The following MESD variants were observed in gnomAD, a reference collection of about 807,000 sequenced individuals.
The protein encoded by MESD is LRP chaperone MESD.
Under a neutral mutation model 12.9 loss-of-function variants are expected in MESD, and 7 were observed. The observed-to-expected ratio is 0.54, with a 90% CI of 0.31 to 1.02. The LOEUF is 1.02. MESD is among the 50% of genes least tolerant of loss of function. The pLI, the probability that MESD is intolerant of heterozygous loss-of-function variation, is 0.05. For synonymous variants in MESD, 126 were observed against 115.6 expected (o/e 1.09, Z -0.58); for missense variants, 342 against 296.7 (o/e 1.15, Z -1.12).
At chr15:80,967,350 T>G (rs1413593555) in intron 3 of MESD, among the ~76,000 whole-genome samples, 1 of 152,048 alleles carries the variant, frequency 6.6e-6, no homozygotes, top group Non-Finnish European at 1.5e-5. Context: ...GGAGTTTTAA[T>G]TTAGAGCAAG....
rs1432849502 is a variant in MESD, at chr15:80,978,729, T to C, written c.*490A>G. On this transcript the variant is annotated 3_prime_UTR_variant, in exon 3 of 3. Transcript: ENST00000261758. ...TTTGGATTTACACACCCTGGCTTCC[T>C]GGCTACAGACATCTGAGTTCACAAA... 6.5e-6 allele frequency: 1 copy of C among 153,346 alleles called. No homozygotes were observed. Among genetic ancestry groups the C allele is most frequent in the Non-Finnish European group, 1.5e-5 (1 of 68,870 alleles). The allele number at this position is 153,346 out of a possible 1,614,324, so 9.5% of individuals were successfully genotyped here.
At chr15:80,982,217 T>C (rs775850360) in intron 1 of MESD, 35 bp from the exon 2 acceptor site, 20 of 1,581,312 alleles carry the variant, frequency 1.3e-5, no homozygotes, top group Admixed American at 5.1e-5. Context: ...AAACCTATCA[T>C]CAGAATCTTG....
At chr15:80,979,925 T>C (rs895513518) in intron 2 of MESD, among the ~76,000 whole-genome samples, 1 of 152,216 alleles carries the variant, frequency 6.6e-6, no homozygotes, top group Non-Finnish European at 1.5e-5. Context: ...GAGTGGGTCA[T>C]GATAAGAGGC....
intron 4 of MESD, chr15:80,951,486 T>G (rs185981375): frequency 1.6e-4 from 24 of 152,788 alleles, no homozygotes; most frequent in African/African-American, 5.5e-4. Flanking sequence ...ATGCTTGTCT[T>G]TTTTCTGTTG....
exon 4 of MESD, chr15:80,952,239 A>T (rs1052338017): frequency 2.2e-6 from 1 of 456,180 alleles, no homozygotes; most frequent in African/African-American, 2.0e-5. Flanking sequence ...AAACTGGCAG[A>T]CGAGAGGCAG....
chr15:80,973,903 T>G (rs938433294), downstream of MESD, among the ~76,000 whole-genome samples: 2 of 152,200 alleles, frequency 1.3e-5, no homozygotes, highest in South Asian at 2.1e-4. Flanking sequence ...ACATATTGCA[T>G]GACCTTTCTT....
intron 1 of MESD, among the ~76,000 whole-genome samples, chr15:80,987,473 G>A (rs1902764213): frequency 6.6e-6 from 1 of 151,126 alleles, no homozygotes; most frequent in African/African-American, 2.4e-5. Context: ...GAGGGGTAAA[G>A]CTGAGTTCAA....
In MESD at chr15:80,954,840, T is replaced by G. The variant is rs1237543426; in HGVS notation, c.*289-2544A>C. On this transcript the variant is annotated intron_variant, in intron 3 of 4. Transcript: ENST00000561312. The stretch of plus-strand genomic sequence containing the variant: ...ACTTTCTTAAAATATTATGAGTTTT[T>G]TTGCATTTTTTTAAAGCTCATCAGC... Among the ~76,000 whole-genome samples, 4 of 152,220 alleles carry G rather than the reference T, an allele frequency of 2.6e-5. No homozygotes were observed. In the South Asian group the frequency reaches 6.2e-4, roughly 24 times the overall value.
Position 80,979,179 on chromosome 15 carries a change from A to G in MESD, c.*40T>C. On this transcript the variant is annotated 3_prime_UTR_variant, in exon 3 of 3. Coordinates refer to ENST00000261758, the MANE Select transcript of MESD (RefSeq NM_015154.3). The stretch of plus-strand genomic sequence containing the variant: ...CCAGGAGCTGGGCAAAGAGCTCTCC[A>G]CGTCCACCTGTCCCCCCACAGCGCG... 6.3e-7 allele frequency: 1 copy of G among 1,588,282 alleles called. No homozygotes were observed. The highest frequency in any genetic ancestry group is 8.6e-7 in the Non-Finnish European group (1 of 1,167,212).
At chr15:80,971,299 G>C (rs988430973), downstream of MESD, among the ~76,000 whole-genome samples, 11 of 152,182 alleles carry the variant, frequency 7.2e-5, no homozygotes, top group African/African-American at 2.7e-4. Flanking sequence ...GCACAGTCAA[G>C]GGTTAATTTC....
chr15:80,983,533 G>A (rs958141399), intron 1 of MESD, among the ~76,000 whole-genome samples: 1 of 152,174 alleles, frequency 6.6e-6, no homozygotes, highest in South Asian at 2.1e-4. Context: ...TGTGGTATTA[G>A]GCTGGAATTG....
intron 3 of MESD, among the ~76,000 whole-genome samples, chr15:80,961,924 T>G (rs1902093682): frequency 6.6e-6 from 1 of 152,186 alleles, no homozygotes; most frequent in African/African-American, 2.4e-5. Flanking sequence ...ATGAAGAAAC[T>G]GCATCAATTA....
intron 1 of MESD, among the ~76,000 whole-genome samples, chr15:80,988,955 ACT>A (rs1417399150): frequency 6.6e-6 from 1 of 152,012 alleles, no homozygotes; most frequent in Non-Finnish European, 1.5e-5. Context: ...CAGAAAACTT[ACT>A]CTCCTTTGAA....
chr15:80,947,076 G>C, downstream of MESD: 2 of 1,583,894 alleles, frequency 1.3e-6, no homozygotes, highest in Non-Finnish European at 8.7e-7. Flanking sequence ...GTAAGGGTTT[G>C]AACTGGGGTT....
intron 2 of MESD, 91 bp from the exon 3 acceptor site, chr15:80,979,568 C>T (rs1261490736): frequency 8.5e-6 from 12 of 1,418,812 alleles, no homozygotes; most frequent in Non-Finnish European, 4.7e-6. Flanking sequence ...CAGTTTATTT[C>T]AAATTCTACA....
intron 4 of MESD, chr15:80,951,137 C>T (rs1901802276): frequency 6.6e-6 from 1 of 152,610 alleles, no homozygotes; most frequent in South Asian, 2.1e-4. Context: ...CCTTCTTGTC[C>T]ACGGTTTTGT....
At position 80,952,968 on chromosome 15, in the gene MESD, G is replaced by A. The variant is rs144708517; in HGVS notation, c.*289-672C>T. 5.3e-3 allele frequency: 2,433 copies of A among 456,030 alleles called. 70 individuals are homozygous for A. In the East Asian group the frequency reaches 0.054, roughly 10 times the overall value. The allele number at this position is 456,030 out of a possible 1,614,324, so 28.2% of individuals were successfully genotyped here. A position where few individuals can be genotyped will look rare whatever the true frequency, so the allele number is the denominator to read the frequency against. On this transcript the variant is annotated intron_variant, in intron 3 of 4. Transcript: ENST00000561312. ...AATGAGTGGTGTGGCAGGCTTCTGAGGGCAGGGAGTGATCATCGCCTGGAT... is the reference window on the plus strand; with the variant it reads ...AATGAGTGGTGTGGCAGGCTTCTGAAGGCAGGGAGTGATCATCGCCTGGAT...
At chr15:80,959,078 T>G (rs1046553558) in intron 3 of MESD, among the ~76,000 whole-genome samples, 1 of 152,172 alleles carries the variant, frequency 6.6e-6, no homozygotes, top group African/African-American at 2.4e-5. Context: ...TTGGGGAGAT[T>G]GCGGAGATTT....
Position 80,989,736 on chromosome 15 carries a change from A to C in MESD, c.56T>G (p.Leu19Arg), listed in dbSNP as rs779869446. The change falls in exon 1 of 3, where the codon CTG becomes CGG. Residue 19 changes from leucine to arginine, a missense_variant. Physicochemically the swap from Leu to Arg is moderately radical, Grantham distance 102 (BLOSUM62 -2). Coordinates refer to ENST00000261758, the MANE Select transcript of MESD (RefSeq NM_015154.3). ...TGGTAGCAGTAGCAGCAGCAGCAGC[A>C]GGTCAGAGGCACAAAGCAGGACCAC... Reference protein sequence around the residue: ...KAVVLLCASDLLLLLLLLPPP... With the variant: ...KAVVLLCASDRLLLLLLLPPP... The C allele has an allele frequency of 1.6e-4, 256 of 1,604,994 alleles. 2 individuals carry two copies. The South Asian group carries it at 2.4e-3, about 15-fold the overall frequency.
Sources: gnomAD v4.1 joint callset for allele counts (sites outside exome capture counted in the v4.1 genomes callset) on GRCh38, gnomAD v4.1.1 for gene constraint, MANE v1.5 for transcripts, NCBI Gene and HGNC (gene_info 2026-07-23, HGNC 2026-07-21) for gene names.